The following FBXW11 variants were observed in gnomAD, a reference collection of about 807,000 sequenced individuals.
FBXW11 encodes F-box/WD repeat-containing protein 11.
Under a neutral mutation model 77.6 loss-of-function variants are expected in FBXW11, and 19 were observed. The ratio of observed to expected loss-of-function variants is 0.24; its 90% confidence interval spans 0.17 to 0.36. The LOEUF is 0.36. Among genes scored for constraint, FBXW11 ranks in the 10% least tolerant of loss-of-function variants. FBXW11 has a pLI of 1.00. For synonymous variants in FBXW11, 235 were observed against 249.4 expected (o/e 0.94, Z 0.54); for missense variants, 334 against 704.2 (o/e 0.47, Z 5.95).
chr5:171,947,469 C>T (rs371828125), intron 2 of FBXW11, among the ~76,000 whole-genome samples: 91 of 151,784 alleles, frequency 6.0e-4, no homozygotes, highest in African/African-American at 2.1e-3. Flanking sequence ...AAGGCCAAAG[C>T]GGGCAGACCA....
At chr5:171,964,091 A>G (rs933467985) in intron 1 of FBXW11, among the ~76,000 whole-genome samples, 57 of 152,358 alleles carry the variant, frequency 3.7e-4, no homozygotes, top group Non-Finnish European at 6.2e-4. Flanking sequence ...AGAAATAAGG[A>G]TAAGTCTCTT....
At chr5:171,905,590 C>CCT (rs1554098632) in intron 4 of FBXW11, among the ~76,000 whole-genome samples, 1 of 69,222 alleles carries the variant, frequency 1.4e-5, no homozygotes, top group African/African-American at 4.2e-5. Flanking sequence ...AAAAAGCTAA[C>CCT]CCCCCCCCCT....
At chr5:171,962,558 T>C (rs1330242466) in intron 1 of FBXW11, among the ~76,000 whole-genome samples, 1 of 152,186 alleles carries the variant, frequency 6.6e-6, no homozygotes, top group Non-Finnish European at 1.5e-5. Context: ...ATCCACCGTA[T>C]AATCAAAAAA....
intron 2 of FBXW11, among the ~76,000 whole-genome samples, chr5:171,940,232 T>C (rs987437539): frequency 1.3e-5 from 2 of 152,208 alleles, no homozygotes; most frequent in African/African-American, 4.8e-5. Flanking sequence ...GTACTAAATA[T>C]GAAAAGGGTT....
At chr5:171,982,241 A>G (rs1362051747) in intron 1 of FBXW11, among the ~76,000 whole-genome samples, 1 of 152,048 alleles carries the variant, frequency 6.6e-6, no homozygotes, top group Admixed American at 6.6e-5. Flanking sequence ...GAAGGGTTAA[A>G]TTTTATTTTA....
At chr5:171,997,288 T>G (rs1766112116) in intron 1 of FBXW11, among the ~76,000 whole-genome samples, 1 of 152,238 alleles carries the variant, frequency 6.6e-6, no homozygotes, top group Admixed American at 6.5e-5. Flanking sequence ...TAATATTTAC[T>G]CATGATAAAC....
At chr5:171,957,464 G>A in intron 2 of FBXW11, 133 bp downstream of exon 2, 1 of 868,464 alleles carries the variant, frequency 1.2e-6, no homozygotes, top group Non-Finnish European at 1.9e-6. Context: ...GGGGCACCCA[G>A]GCTGGAGGAA....
chr5:171,890,840 G>T (rs953084398), intron 7 of FBXW11, among the ~76,000 whole-genome samples: 1 of 152,136 alleles, frequency 6.6e-6, no homozygotes, highest in African/African-American at 2.4e-5. Context: ...CGTGATTTTT[G>T]TAACAGTTAT....
At chr5:171,883,483 A>G (rs1272326937) in intron 7 of FBXW11, among the ~76,000 whole-genome samples, 1 of 152,230 alleles carries the variant, frequency 6.6e-6, no homozygotes, top group Admixed American at 6.5e-5. Context: ...CATATGTAAC[A>G]AACCTGCACG....
chr5:171,878,228 CTT>C (rs1758233626), intron 7 of FBXW11, 99 bp from the exon 8 acceptor site: 2 of 818,586 alleles, frequency 2.4e-6, no homozygotes, highest in Admixed American at 4.8e-5. Context: ...ATAAAACACA[CTT>C]GGGTTACAGT....
intron 1 of FBXW11, among the ~76,000 whole-genome samples, chr5:171,988,820 G>C (rs549392040): frequency 1.4e-4 from 22 of 151,830 alleles, no homozygotes; most frequent in South Asian, 4.1e-4. Context: ...ACTCCAGCCC[G>C]GGCAACAGAG....
chr5:171,899,359 G>A (rs984535970), intron 5 of FBXW11, among the ~76,000 whole-genome samples: 10 of 152,060 alleles, frequency 6.6e-5, no homozygotes, highest in African/African-American at 2.2e-4. Flanking sequence ...AATAAAAAGC[G>A]CTAATGTAGC....
chr5:171,872,203 C>T (rs1040327884), intron 10 of FBXW11, among the ~76,000 whole-genome samples: 1 of 152,140 alleles, frequency 6.6e-6, no homozygotes, highest in Non-Finnish European at 1.5e-5. Flanking sequence ...GTTTGCTTGC[C>T]TGCCTTTAAA....
At position 171,982,899 on chromosome 5, in the gene FBXW11, T is replaced by G. The variant is rs1765226659; in HGVS notation, c.45+23559A>C. 2.6e-5 allele frequency among the ~76,000 whole-genome samples: 4 copies of G among 152,056 alleles called. No individual in the cohort carries two copies. The South Asian group carries it at 8.3e-4, about 32-fold the overall frequency. On this transcript the variant is annotated intron_variant, in intron 1 of 13. Coordinates refer to ENST00000517395, the MANE Select transcript of FBXW11 (RefSeq NM_001378974.1). ...CCCAGGGGAAGGCATGCCGATGTCA[T>G]GAAGCTTCCATAAAAACCTAAGATG...
chr5:171,946,805 CTTTTTTTTTT>C (rs70982356), intron 2 of FBXW11, among the ~76,000 whole-genome samples: 20 of 58,624 alleles, frequency 3.4e-4, no homozygotes, highest in East Asian at 1.5e-3. Flanking sequence ...GTGTACTTTA[CTTTTTTTTTT>C]TTTTTTTTTT....
intron 1 of FBXW11, among the ~76,000 whole-genome samples, chr5:171,965,863 G>A (rs1335916557): frequency 6.6e-6 from 1 of 152,062 alleles, no homozygotes; most frequent in Non-Finnish European, 1.5e-5. Context: ...CACGTGTCAG[G>A]GGAGGGGCCT....
At position 171,876,009 on chromosome 5, in the gene FBXW11, T is replaced by C. The variant is rs562549338; in HGVS notation, c.1221+276A>G. On this transcript the variant is annotated intron_variant, in intron 9 of 13. Coordinates refer to ENST00000517395, the MANE Select transcript of FBXW11 (RefSeq NM_001378974.1). This position sits in a 1 kb window ranked among gnomAD's most constrained non-coding sequence, Gnocchi z 4.2. The stretch of plus-strand genomic sequence containing the variant: ...ATAATGTAAAGCTCCCAACACACAA[T>C]ACATGATCAACACGTTAGCACTCTT... Among the ~76,000 whole-genome samples the C allele has an allele frequency of 5.3e-5, 8 of 152,130 alleles. No homozygotes were observed. Among genetic ancestry groups the C allele is most frequent in the Admixed American group, 4.6e-4 (7 of 15,298 alleles).
intron 1 of FBXW11, among the ~76,000 whole-genome samples, chr5:171,963,673 A>G (rs1764030645): frequency 6.6e-6 from 1 of 152,170 alleles, no homozygotes; most frequent in South Asian, 2.1e-4. Context: ...CAACACAGAG[A>G]TGGAGGTGGA....
chr5:171,993,885 G>A (rs757025739), intron 1 of FBXW11, among the ~76,000 whole-genome samples: 7 of 152,108 alleles, frequency 4.6e-5, no homozygotes, highest in Non-Finnish European at 2.9e-5. Context: ...CAGTTACTTT[G>A]AGCCACACTT....
Sources: allele counts gnomAD v4.1 joint callset (sites outside exome capture counted in the v4.1 genomes callset), GRCh38; gene constraint gnomAD v4.1.1; non-coding constraint Gnocchi (gnomAD v3.1); transcripts MANE v1.5; gene names NCBI Gene and HGNC (gene_info 2026-07-23, HGNC 2026-07-21).